The following ANK3 variants were observed in gnomAD, a reference collection of about 807,000 sequenced individuals.
ANK3 encodes the protein ankyrin-3.
In ANK3, 57 loss-of-function variants were observed where a neutral mutation model predicts 370.9. The ratio of observed to expected loss-of-function variants is 0.15; its 90% CI spans 0.12 to 0.19. The LOEUF (loss-of-function observed/expected upper bound fraction) is 0.19. Among genes scored for constraint, ANK3 ranks in the 10% least tolerant of loss-of-function variants. The pLI is 1.00. For synonymous variants in ANK3, 1,929 were observed against 1,946.3 expected, an observed-to-expected ratio of 0.99 and a Z score of 0.23; for missense variants, 4,439 against 5,302.1, an observed-to-expected ratio of 0.84 and a Z score of 5.06.
At chr10:60,643,446 G>T (rs1436857804) in intron 1 of ANK3, among the ~76,000 whole-genome samples, 1 of 152,080 alleles carries the variant, frequency 6.6e-6, no homozygotes, top group Non-Finnish European at 1.5e-5. Flanking sequence ...CTTGCAGACA[G>T]CCTATTGTGG....
At chr10:60,709,885 A>G (rs2079678317) in intron 1 of ANK3, among the ~76,000 whole-genome samples, 1 of 152,164 alleles carries the variant, frequency 6.6e-6, no homozygotes. Context: ...ATATATTTAT[A>G]GTTCCATACT....
intron 2 of ANK3, among the ~76,000 whole-genome samples, chr10:60,395,549 CCTCTTTCTTTCTTTCT>C (rs1416749921): frequency 1.1e-3 from 129 of 119,094 alleles, no homozygotes; most frequent in Admixed American, 1.9e-3. Flanking sequence ...AACTACTATG[CCTCTTTCTTTCTTTCT>C]TTCTTTCTTT....
intron 1 of ANK3, among the ~76,000 whole-genome samples, chr10:60,617,321 C>A (rs2078279898): frequency 1.3e-5 from 2 of 151,282 alleles, no homozygotes; most frequent in South Asian, 4.2e-4. Context: ...TTTTTTTTAA[C>A]CCATGTGGAC....
chr10:60,695,570 T>C (rs2079434775), intron 1 of ANK3, among the ~76,000 whole-genome samples: 1 of 152,128 alleles, frequency 6.6e-6, no homozygotes, highest in South Asian at 2.1e-4. Flanking sequence ...CACAGTGCAA[T>C]CAAACTAGAA....
chr10:60,660,911 T>TACACACACACACACACACACAC (rs779739373), intron 1 of ANK3, among the ~76,000 whole-genome samples: 6 of 148,150 alleles, frequency 4.0e-5, no homozygotes, highest in African/African-American at 7.6e-5. Flanking sequence ...GAGTTTTAAA[T>TACACACACACACACACACACAC]ACACACTCAC....
intron 1 of ANK3, among the ~76,000 whole-genome samples, chr10:60,374,365 G>C (rs1331770322): frequency 6.6e-6 from 1 of 152,152 alleles, no homozygotes; most frequent in African/African-American, 2.4e-5. Flanking sequence ...TAGTTAAGAT[G>C]AAAGAAATTC....
chr10:60,205,724 T>C, intron 11 of ANK3, 68 bp downstream of exon 11: 1 of 1,170,760 alleles, frequency 8.5e-7, no homozygotes, highest in Non-Finnish European at 1.3e-6. Flanking sequence ...GAGATGGCCC[T>C]GGGGCTCTGG....
intron 2 of ANK3, among the ~76,000 whole-genome samples, chr10:60,607,788 T>G (rs1567176967): frequency 6.6e-6 from 1 of 152,054 alleles, no homozygotes; most frequent in East Asian, 1.9e-4. Context: ...ACATAGGAGG[T>G]AGGGTACAAG....
chr10:60,376,040 G>T (rs182974869), intron 1 of ANK3, among the ~76,000 whole-genome samples: 65 of 152,252 alleles, frequency 4.3e-4, no homozygotes, highest in Non-Finnish European at 8.7e-4. Flanking sequence ...TATTATGGAT[G>T]AGGGCACAGG....
At chr10:60,688,255 AG>A (rs1464058410) in intron 1 of ANK3, among the ~76,000 whole-genome samples, 1 of 151,988 alleles carries the variant, frequency 6.6e-6, no homozygotes, top group Non-Finnish European at 1.5e-5. Flanking sequence ...TAGTAGAGAC[AG>A]GGTTTTGCCA....
intron 1 of ANK3, among the ~76,000 whole-genome samples, chr10:60,677,660 G>A (rs74155673): frequency 0.011 from 1,646 of 151,534 alleles, 26 homozygotes; most frequent in African/African-American, 0.038. Flanking sequence ...ATTTATGAAC[G>A]ATAAAAGCAC....
At chr10:60,319,281 G>A (rs1253000380) in intron 1 of ANK3, among the ~76,000 whole-genome samples, 1 of 152,104 alleles carries the variant, frequency 6.6e-6, no homozygotes, top group Non-Finnish European at 1.5e-5. Flanking sequence ...GGTACTCTGG[G>A]CAGGTTTATT....
intron 25 of ANK3, 59 bp from the exon 26 acceptor site, chr10:60,114,390 T>C (rs2092937322): frequency 6.9e-6 from 6 of 868,714 alleles, no homozygotes; most frequent in South Asian, 6.6e-5. Flanking sequence ...CTGATTTCTC[T>C]ACACATATAA....
chr10:60,539,030 T>C (rs898809940), intron 2 of ANK3, among the ~76,000 whole-genome samples: 1 of 151,816 alleles, frequency 6.6e-6, no homozygotes, highest in Non-Finnish European at 1.5e-5. Context: ...TAAGTAGTAA[T>C]AAAAGCCAAA....
At chr10:60,179,900 TG>T (rs1182574930) in intron 18 of ANK3, among the ~76,000 whole-genome samples, 5 of 152,150 alleles carry the variant, frequency 3.3e-5, no homozygotes, top group Admixed American at 3.3e-4. Flanking sequence ...TTGGATGTGC[TG>T]GGGCAGAAAA....
chr10:60,375,963 T>G (rs2060716255), intron 1 of ANK3, among the ~76,000 whole-genome samples: 1 of 152,198 alleles, frequency 6.6e-6, no homozygotes, highest in African/African-American at 2.4e-5. Context: ...GTTGAATCAC[T>G]GCATTGGGAT....
chr10:60,266,343 CAG>C (rs2097879233), intron 5 of ANK3, among the ~76,000 whole-genome samples: 3 of 152,088 alleles, frequency 2.0e-5, no homozygotes, highest in Non-Finnish European at 4.4e-5. Flanking sequence ...GGAAAATTAA[CAG>C]AGATTTCTTG....
At chr10:60,223,455 C>T (rs965102414) in intron 8 of ANK3, among the ~76,000 whole-genome samples, 3 of 152,096 alleles carry the variant, frequency 2.0e-5, no homozygotes, top group African/African-American at 4.8e-5. Flanking sequence ...TTTAATTTAA[C>T]ACTAGTTTAT....
intron 23 of ANK3, among the ~76,000 whole-genome samples, chr10:60,156,992 C>T (rs147004328): frequency 6.6e-6 from 1 of 151,494 alleles, no homozygotes; most frequent in Non-Finnish European, 1.5e-5. Flanking sequence ...TATATGGCCT[C>T]TCAGATACGG....
Sources: allele counts gnomAD v4.1 joint callset (sites outside exome capture counted in the v4.1 genomes callset), GRCh38; gene constraint gnomAD v4.1.1; transcripts MANE v1.5; gene names NCBI Gene and HGNC (gene_info 2026-07-23, HGNC 2026-07-21).